The following ABHD12 variants were observed in gnomAD, a reference collection of about 807,000 sequenced individuals.
The protein encoded by ABHD12 is lysophosphatidylserine lipase ABHD12.
ABHD12 carries 43 observed loss-of-function variants against 58.3 expected under a neutral mutation model. The observed-to-expected ratio is 0.74, with a 90% CI of 0.58 to 0.95. The LOEUF is 0.95. Ranked by LOEUF, ABHD12 falls within the 40% of genes least tolerant of loss-of-function variation. ABHD12 has a pLI of 0.00. For synonymous variants in ABHD12, 219 were observed against 211.2 expected, an observed-to-expected ratio of 1.04 and a Z score of -0.32; for missense variants, 539 against 537.2, an observed-to-expected ratio of 1.00 and a Z score of -0.03.
At chr20:25,368,315 G>C in intron 1 of ABHD12, 2 of 1,545,656 alleles carry the variant, frequency 1.3e-6, no homozygotes, top group Non-Finnish European at 8.9e-7. Flanking sequence ...CTTCTTGCTG[G>C]TCTTGCCATT....
At chr20:25,370,607 G>A (rs979581983) in intron 1 of ABHD12, among the ~76,000 whole-genome samples, 10 of 152,178 alleles carry the variant, frequency 6.6e-5, no homozygotes, top group African/African-American at 1.9e-4. Context: ...AGAGCACAGC[G>A]ATTAGAGCAT....
intron 1 of ABHD12, 150 bp from the exon 2 acceptor site, chr20:25,339,501 T>A: frequency 7.2e-7 from 1 of 1,395,148 alleles, no homozygotes; most frequent in Non-Finnish European, 1.0e-6. Context: ...GCCTCCCACC[T>A]GCCTTCACTC....
intron 12 of ABHD12, 101 bp downstream of exon 12, chr20:25,302,118 T>A: frequency 6.4e-7 from 1 of 1,560,598 alleles, no homozygotes; most frequent in Non-Finnish European, 8.8e-7. Context: ...TTGGCCCCAC[T>A]GAGGCCCCCT....
intron 1 of ABHD12, among the ~76,000 whole-genome samples, chr20:25,379,406 C>T (rs2089997108): frequency 6.6e-6 from 1 of 152,172 alleles, no homozygotes; most frequent in Non-Finnish European, 1.5e-5. Context: ...TTCCTAAGGA[C>T]AGCACAAGCA....
intron 3 of ABHD12, among the ~76,000 whole-genome samples, chr20:25,322,381 A>ATATATTTTTT: frequency 3.4e-5 from 2 of 59,284 alleles, no homozygotes; most frequent in Non-Finnish European, 6.4e-5. Flanking sequence ...ATATATATAT[A>ATATATTTTTT]TTTTTTTTTT....
intron 1 of ABHD12, among the ~76,000 whole-genome samples, chr20:25,383,083 G>A (rs758290934): frequency 7.9e-5 from 12 of 152,130 alleles, no homozygotes; most frequent in East Asian, 5.8e-4. Context: ...CTCAGAACTC[G>A]CTCCCATCTT....
At chr20:25,325,630 G>A (rs2089161724) in intron 2 of ABHD12, among the ~76,000 whole-genome samples, 1 of 152,178 alleles carries the variant, frequency 6.6e-6, no homozygotes, top group Non-Finnish European at 1.5e-5. Flanking sequence ...CTGCCAGACA[G>A]ACAGGCAAGA....
intron 6 of ABHD12, among the ~76,000 whole-genome samples, chr20:25,311,531 G>A (rs377642920): frequency 1.3e-4 from 20 of 152,212 alleles, no homozygotes; most frequent in African/African-American, 4.6e-4. Flanking sequence ...ATAGCAGCAA[G>A]AGAGAATTAA....
intron 6 of ABHD12, chr20:25,310,582 GGAGGCCATGCA>G (rs1408191728): frequency 5.2e-5 from 8 of 152,752 alleles, no homozygotes; most frequent in African/African-American, 1.9e-4. Context: ...AGAGGAGGGA[GGAGGCCATGCA>G]GAGGGCTAGG....
At chr20:25,317,164 G>C (rs1432740416) in intron 4 of ABHD12, 86 bp from the exon 5 acceptor site, 6 of 890,584 alleles carry the variant, frequency 6.7e-6, no homozygotes, top group Non-Finnish European at 1.1e-5. Context: ...CCAAACCAGG[G>C]GGAGGCCAAT....
At position 25,303,539 on chromosome 20, in the gene ABHD12, C is replaced by T. The variant is rs779997908; in HGVS notation, c.1029+11G>A. 6.2e-6 allele frequency: 10 copies of T among 1,613,094 alleles called. No homozygotes were observed. In the South Asian group the frequency reaches 9.9e-5, roughly 16 times the overall value. On this transcript the variant is annotated intron_variant, in intron 11 of 12. Transcript: ENST00000339157. The stretch of plus-strand genomic sequence containing the variant: ...ATGCCAGCTACACCAGAGGCAGAGG[C>T]CAGGACCCACCTTTCTGCCAAGCTG...
At chr20:25,381,157 C>T (rs1425992981) in intron 1 of ABHD12, among the ~76,000 whole-genome samples, 2 of 152,122 alleles carry the variant, frequency 1.3e-5, no homozygotes, top group Non-Finnish European at 2.9e-5. Context: ...ACACACCATG[C>T]CATTTCTCTA....
At chr20:25,316,186 G>A (rs2088958923) in intron 5 of ABHD12, among the ~76,000 whole-genome samples, 1 of 151,952 alleles carries the variant, frequency 6.6e-6, no homozygotes, top group African/African-American at 2.4e-5. Context: ...TTGAGACGGA[G>A]TCTTGCTCTG....
chr20:25,388,786 T>TA (rs1568783163), intron 1 of ABHD12, among the ~76,000 whole-genome samples: 6 of 113,448 alleles, frequency 5.3e-5, no homozygotes, highest in African/African-American at 2.3e-4. Context: ...TTTGATTTTT[T>TA]CTTTTTTTTT....
intron 1 of ABHD12, among the ~76,000 whole-genome samples, chr20:25,361,911 C>T (rs1054146153): frequency 2.6e-5 from 4 of 151,420 alleles, no homozygotes; most frequent in Non-Finnish European, 5.9e-5. Context: ...GCCAAGATCC[C>T]GCCACTGCAC....
intron 1 of ABHD12, among the ~76,000 whole-genome samples, chr20:25,387,017 A>T (rs897054889): frequency 2.0e-5 from 3 of 152,228 alleles, no homozygotes; most frequent in African/African-American, 7.2e-5. Context: ...AAAAGAAGAA[A>T]ATCTCTATGA....
At chr20:25,305,341 T>C (rs1279563063) in intron 10 of ABHD12, among the ~76,000 whole-genome samples, 1 of 151,732 alleles carries the variant, frequency 6.6e-6, no homozygotes, top group Non-Finnish European at 1.5e-5. Flanking sequence ...TTAAATTAAA[T>C]ATTTATAGGG....
At chr20:25,303,256 T>G in intron 11 of ABHD12, 2 of 1,257,504 alleles carry the variant, frequency 1.6e-6, no homozygotes, top group Non-Finnish European at 2.0e-6. Flanking sequence ...CAGCCCACTC[T>G]GATAACCCCT....
At chr20:25,363,096 A>G (rs2089774637) in intron 1 of ABHD12, among the ~76,000 whole-genome samples, 1 of 152,164 alleles carries the variant, frequency 6.6e-6, no homozygotes, top group African/African-American at 2.4e-5. Flanking sequence ...TAGAACATTC[A>G]GAGTATTTTA....
Sources: gnomAD v4.1 joint callset for allele counts (sites outside exome capture counted in the v4.1 genomes callset) on GRCh38, gnomAD v4.1.1 for gene constraint, MANE v1.5 for transcripts, NCBI Gene and HGNC (gene_info 2026-07-23, HGNC 2026-07-21) for gene names.